ARHGAP24: variants seen among roughly 807,000 people sequenced by gnomAD.
ARHGAP24 encodes the protein rho GTPase-activating protein 24.
ARHGAP24 carries 50 observed loss-of-function variants against 76.4 expected under a neutral mutation model. The ratio of observed to expected loss-of-function variants is 0.65; its 90% CI spans 0.52 to 0.83. ARHGAP24 has a LOEUF of 0.83. ARHGAP24 is among the 40% of genes least tolerant of loss of function. The probability of loss-of-function intolerance (pLI) is 0.00; values close to 1 mark genes in which losing one functional copy is unlikely to be tolerated. For missense variants in ARHGAP24, 930 were observed against 914.2 expected (o/e 1.02, Z -0.22); for synonymous variants, 345 against 323.3 (o/e 1.07, Z -0.72).
chr4:85,995,492 A>G lies in ARHGAP24; in HGVS notation c.1838A>G (p.His613Arg). ...HPRDYESKSD[H>R]RSVGGRSSRA... ...AGGGACTATGAAAGCAAAAGTGACC[A>G]CAGGAGTGTGGGAGGTCGAAGTAGT... The change falls in exon 9 of 10, where the codon CAC becomes CGC. Residue 613 changes from histidine to arginine, a missense_variant. His to Arg is a conservative substitution (Grantham distance 29). Transcript: ENST00000395184. 1 of 1,602,444 alleles carries G rather than the reference A, an allele frequency of 6.2e-7. No individual in the cohort carries two copies. The highest frequency in any genetic ancestry group is 8.5e-7 in the Non-Finnish European group (1 of 1,173,390).
intron 3 of ARHGAP24, among the ~76,000 whole-genome samples, chr4:85,821,214 T>C (rs896108512): frequency 1.3e-5 from 2 of 152,202 alleles, no homozygotes; most frequent in African/African-American, 4.8e-5. Context: ...CCTATAGATA[T>C]AATTTTCTTT....
chr4:85,625,406 C>T lies in ARHGAP24; in HGVS notation c.180+54685C>T, dbSNP rs530450024. Among the ~76,000 whole-genome samples, 4 of 152,128 alleles carry T rather than the reference C, an allele frequency of 2.6e-5. No homozygotes were observed. In the East Asian group the frequency reaches 5.8e-4, roughly 22 times the overall value. On this transcript the variant is annotated intron_variant, in intron 2 of 9. Coordinates refer to ENST00000395184, the MANE Select transcript of ARHGAP24 (RefSeq NM_001025616.3). Reference sequence around the variant, plus strand: ...TTTGAGTGAGTTTCTTAATCCTGAGCTCTAGTTTGATTGCACTGTTGTCTG... The same window carrying T: ...TTTGAGTGAGTTTCTTAATCCTGAGTTCTAGTTTGATTGCACTGTTGTCTG...
rs78881156 is a variant in ARHGAP24, at chr4:85,868,663, G to A, written c.269-54985G>A. ...TAAGAAAGTCTGAGTAAAGTCTGTT[G>A]AGTATGGACTTTAGTTAATAATAAT... On this transcript the variant is annotated intron_variant, in intron 3 of 9. Transcript: ENST00000395184. Among the ~76,000 whole-genome samples the A allele has an allele frequency of 2.6e-5, 4 of 152,098 alleles. No homozygotes were observed. The South Asian group carries it at 6.2e-4, about 24-fold the overall frequency.
At position 85,501,528 on chromosome 4, in the gene ARHGAP24, G is replaced by A. The variant is rs556780087; in HGVS notation, c.-21+25969G>A. On this transcript the variant is annotated intron_variant, in intron 1 of 9. Coordinates refer to ENST00000395184, the MANE Select transcript of ARHGAP24 (RefSeq NM_001025616.3). ...GTTGGCTGCATAAATGTCTTCTTTTGAGAAGTGTCTGTTCATATCCTTTAC... is the reference window on the plus strand; with the variant it reads ...GTTGGCTGCATAAATGTCTTCTTTTAAGAAGTGTCTGTTCATATCCTTTAC... 1.6e-4 allele frequency among the ~76,000 whole-genome samples: 24 copies of A among 152,286 alleles called. 1 individual carries two copies. The South Asian group carries it at 3.1e-3, about 20-fold the overall frequency.
intron 2 of ARHGAP24, among the ~76,000 whole-genome samples, chr4:85,694,024 G>C (rs774038037): frequency 3.2e-4 from 49 of 152,204 alleles, no homozygotes; most frequent in Middle Eastern, 6.8e-3. Context: ...AGCCTTTCAG[G>C]GCCAGGAACT....
intron 5 of ARHGAP24, among the ~76,000 whole-genome samples, chr4:85,955,603 A>G (rs764071877): frequency 1.3e-5 from 2 of 152,136 alleles, no homozygotes; most frequent in Non-Finnish European, 2.9e-5. Context: ...CATGGCATTC[A>G]TCTCCCAGGT....
chr4:85,782,766 C>T (rs746781390), intron 3 of ARHGAP24, among the ~76,000 whole-genome samples: 3 of 152,184 alleles, frequency 2.0e-5, no homozygotes, highest in Non-Finnish European at 4.4e-5. Flanking sequence ...TATGTTCCTA[C>T]ATATTGGCCT....
intron 2 of ARHGAP24, among the ~76,000 whole-genome samples, chr4:85,685,582 G>A (rs1811576): frequency 0.14 from 20,460 of 150,444 alleles, 1,788 homozygotes; most frequent in East Asian, 0.33. Context: ...GCAGTTAGCC[G>A]AGATCGTGCC....
chr4:85,839,966 C>T (rs1225497921), intron 3 of ARHGAP24, among the ~76,000 whole-genome samples: 5 of 148,608 alleles, frequency 3.4e-5, no homozygotes, highest in Admixed American at 1.4e-4. Flanking sequence ...TCTCCTGCCT[C>T]AGCCTCCTGA....
At chr4:85,638,916 G>A (rs1330643287) in intron 2 of ARHGAP24, among the ~76,000 whole-genome samples, 2 of 152,162 alleles carry the variant, frequency 1.3e-5, no homozygotes, top group Admixed American at 1.3e-4. Context: ...CTTAGTCACT[G>A]ACATAATCTC....
At chr4:85,556,428 G>A (rs1026817839) in intron 1 of ARHGAP24, among the ~76,000 whole-genome samples, 9 of 152,104 alleles carry the variant, frequency 5.9e-5, no homozygotes, top group Non-Finnish European at 1.0e-4. Context: ...GAAAGAGACT[G>A]GGCTCCTCTC....
At chr4:85,762,934 C>T (rs773219192) in intron 3 of ARHGAP24, among the ~76,000 whole-genome samples, 1 of 152,090 alleles carries the variant, frequency 6.6e-6, no homozygotes. Flanking sequence ...TCTATTATTT[C>T]GTTTCCAAAT....
rs182761948 is a variant in ARHGAP24 at position 85,625,201 on chromosome 4, G to A, written c.180+54480G>A. On this transcript the variant is annotated intron_variant, in intron 2 of 9. Transcript: ENST00000395184. The stretch of plus-strand genomic sequence containing the variant: ...TTAGATCTTTCCTGCTTTCTCTTGT[G>A]GGCATTTAGTGCTATAAATTTCCCT... Among the ~76,000 whole-genome samples, 369 of 151,998 alleles carry A rather than the reference G, an allele frequency of 2.4e-3. 4 individuals carry two copies. The highest frequency in any genetic ancestry group is 8.5e-3 in the African/African-American group (351 of 41,458).
intron 1 of ARHGAP24, among the ~76,000 whole-genome samples, chr4:85,490,852 TG>T (rs1328336300): frequency 2.6e-5 from 4 of 152,192 alleles, no homozygotes; most frequent in Non-Finnish European, 5.9e-5. Flanking sequence ...CCTTGATAAT[TG>T]TAGAATTTAT....
At chr4:85,798,379 G>A (rs912326063) in intron 3 of ARHGAP24, among the ~76,000 whole-genome samples, 4 of 152,162 alleles carry the variant, frequency 2.6e-5, no homozygotes, top group South Asian at 2.1e-4. Flanking sequence ...CCAAGAGTTG[G>A]GACTGGGGAG....
intron 3 of ARHGAP24, among the ~76,000 whole-genome samples, chr4:85,863,812 G>T (rs1344246987): frequency 6.6e-6 from 1 of 152,008 alleles, no homozygotes; most frequent in East Asian, 1.9e-4. Flanking sequence ...ACACACATGA[G>T]GAGTTTAGGA....
intron 1 of ARHGAP24, among the ~76,000 whole-genome samples, chr4:85,526,612 A>G (rs1451931900): frequency 6.6e-6 from 1 of 151,992 alleles, no homozygotes; most frequent in East Asian, 1.9e-4. Flanking sequence ...CGTTTTCCCT[A>G]CTTATATAAT....
At chr4:85,749,795 G>A (rs932870129) in intron 3 of ARHGAP24, among the ~76,000 whole-genome samples, 3 of 152,144 alleles carry the variant, frequency 2.0e-5, no homozygotes, top group African/African-American at 7.2e-5. Context: ...TTGAACTCCT[G>A]ACCTCAGGTG....
chr4:85,726,282 A>G (rs2110047883), intron 3 of ARHGAP24, among the ~76,000 whole-genome samples: 1 of 152,222 alleles, frequency 6.6e-6, no homozygotes, highest in East Asian at 1.9e-4. Context: ...ATGGGGATAA[A>G]ACGTTTTATT....
Sources: gnomAD v4.1 joint callset for allele counts (sites outside exome capture counted in the v4.1 genomes callset) on GRCh38, gnomAD v4.1.1 for gene constraint, MANE v1.5 for transcripts, NCBI Gene and HGNC (gene_info 2026-07-23, HGNC 2026-07-21) for gene names.